The following ANO1 variants were observed in gnomAD, a reference collection of about 807,000 sequenced individuals.
The protein encoded by ANO1 is anoctamin 1.
A neutral mutation model predicts 124.0 loss-of-function variants in ANO1; 59 were observed. That is an observed-to-expected ratio of 0.48 (90% confidence interval 0.39 to 0.59). The LOEUF is 0.59. Ranked by LOEUF, ANO1 falls within the 20% of genes least tolerant of loss-of-function variation. ANO1 has a pLI of 0.00. For missense variants in ANO1, 1,059 were observed against 1,328.0 expected, an observed-to-expected ratio of 0.80 and a Z score of 3.15; for synonymous variants, 529 against 532.0, an observed-to-expected ratio of 0.99 and a Z score of 0.08.
At chr11:70,059,275 T>G (rs1391295540) in intron 1 of ANO1, among the ~76,000 whole-genome samples, 3 of 129,448 alleles carry the variant, frequency 2.3e-5, no homozygotes, top group Non-Finnish European at 4.6e-5. Context: ...GGCATGAACC[T>G]GGGAGGTGGA....
intron 19 of ANO1, among the ~76,000 whole-genome samples, chr11:70,164,031 C>T (rs1028666368): frequency 6.6e-6 from 1 of 151,890 alleles, no homozygotes; most frequent in African/African-American, 2.4e-5. Flanking sequence ...TCTCTTTACC[C>T]TCAAACACCA....
intron 4 of ANO1, among the ~76,000 whole-genome samples, 172 bp downstream of exon 4, chr11:70,104,322 C>T (rs1299586380): frequency 2.0e-5 from 3 of 151,752 alleles, no homozygotes; most frequent in South Asian, 2.1e-4. Flanking sequence ...CTAAGATCAC[C>T]GTTAACTGAT....
At chr11:69,977,043 A>C in the ANO1 span, among the ~76,000 whole-genome samples, 2 of 152,240 alleles carry the variant, frequency 1.3e-5, no homozygotes, top group East Asian at 1.9e-4. Context: ...TCTGATGCAC[A>C]CTCACTCTCT....
At chr11:70,173,833 C>A (rs2048569323) in intron 22 of ANO1, among the ~76,000 whole-genome samples, 1 of 152,104 alleles carries the variant, frequency 6.6e-6, no homozygotes, top group Admixed American at 6.5e-5. Flanking sequence ...GGTGGATCAC[C>A]TGAGGTCAGG....
At chr11:70,185,512 C>G in intron 24 of ANO1, 78 bp from the exon 25 acceptor site, 2 of 1,362,470 alleles carry the variant, frequency 1.5e-6, no homozygotes, top group Non-Finnish European at 2.1e-6. Flanking sequence ...TCCCAGGCGT[C>G]CCTCGAGCTG....
intron 1 of ANO1, among the ~76,000 whole-genome samples, chr11:70,082,324 C>T (rs759517335): frequency 5.3e-5 from 8 of 152,150 alleles, no homozygotes; most frequent in Non-Finnish European, 1.0e-4. Flanking sequence ...CTTGGGAGGC[C>T]GAGGCTGGTG....
chr11:70,161,568 C>G (rs2048044700), intron 17 of ANO1, 54 bp from the exon 18 acceptor site: 1 of 1,576,406 alleles, frequency 6.3e-7, no homozygotes, highest in Non-Finnish European at 8.7e-7. Flanking sequence ...CTGGACCAGG[C>G]TGTTGGGGGC....
intron 8 of ANO1, among the ~76,000 whole-genome samples, chr11:70,117,100 C>CTTT (rs756764991): frequency 9.6e-4 from 59 of 61,404 alleles, no homozygotes; most frequent in African/African-American, 1.3e-3. Flanking sequence ...TTGTTTCTTT[C>CTTT]TTTTTTTTTT....
At chr11:70,100,623 G>A (rs997163415) in intron 2 of ANO1, among the ~76,000 whole-genome samples, 14 of 152,212 alleles carry the variant, frequency 9.2e-5, no homozygotes, top group East Asian at 1.9e-4. Context: ...TTGGGGTCAC[G>A]TGTTACAGAA....
chr11:70,015,149 T>C (rs972514429), intron 1 of ANO1: 43 of 152,328 alleles, frequency 2.8e-4, no homozygotes, highest in African/African-American at 9.1e-4. Context: ...TTTGGTCTTT[T>C]TATCGTTCCA....
In ANO1 at chr11:70,063,033, G is replaced by T. The variant is rs186185930; in HGVS notation, c.59-15509G>T. Among the ~76,000 whole-genome samples, 752 of 152,108 alleles carry T rather than the reference G, an allele frequency of 4.9e-3. 4 individuals are homozygous for T. The highest frequency in any genetic ancestry group is 0.017 in the African/African-American group (711 of 41,496). ...CAACCTCTGCCTCCCGGGTTCAAGCGATTCTCCTCCCTCAGCCTCTTGAGT... is the reference window on the plus strand; with the variant it reads ...CAACCTCTGCCTCCCGGGTTCAAGCTATTCTCCTCCCTCAGCCTCTTGAGT... On this transcript the variant is annotated intron_variant, in intron 1 of 27. Coordinates refer to the ANO1 transcript ENST00000531349.
At chr11:70,145,121 G>A (rs1375514909) in intron 11 of ANO1, among the ~76,000 whole-genome samples, 1 of 152,194 alleles carries the variant, frequency 6.6e-6, no homozygotes, top group Non-Finnish European at 1.5e-5. Flanking sequence ...ATTACTTGAG[G>A]AGGATGGAGC....
At chr11:69,986,251 G>T (rs1278990472) in intron 1 of ANO1, 1 of 152,364 alleles carries the variant, frequency 6.6e-6, no homozygotes, top group Non-Finnish European at 1.5e-5. Flanking sequence ...AGTGGCTTGC[G>T]GAGGACTCAG....
rs779773601 is a variant in ANO1, at chr11:70,156,904, C to T, written c.1504-43C>T. On this transcript the variant is annotated intron_variant, in intron 15 of 25. Transcript: ENST00000355303. ...ACGCTGACACACAGAGATGTCTCATCGTGATGGTTCCAGACAGTGACCGGC... is the reference window on the plus strand; with the variant it reads ...ACGCTGACACACAGAGATGTCTCATTGTGATGGTTCCAGACAGTGACCGGC... 1.1e-5 allele frequency: 18 copies of T among 1,581,532 alleles called. 1 individual carries two copies. The Middle Eastern group carries it at 5.0e-4, about 44-fold the overall frequency.
intron 2 of ANO1, among the ~76,000 whole-genome samples, chr11:70,102,628 C>T (rs1255609694): frequency 2.0e-5 from 3 of 152,336 alleles, no homozygotes; most frequent in South Asian, 2.1e-4. Context: ...TTCAGTCGTC[C>T]CCTCCTCGGC....
intron 14 of ANO1, among the ~76,000 whole-genome samples, 176 bp from the exon 15 acceptor site, chr11:70,155,735 G>A (rs574539523): frequency 3.0e-4 from 45 of 152,318 alleles, no homozygotes; most frequent in African/African-American, 1.0e-3. Flanking sequence ...GGTCTCTGCC[G>A]TCTCTTACTT....
intron 1 of ANO1, among the ~76,000 whole-genome samples, chr11:70,017,974 A>T (rs1856732692): frequency 6.6e-6 from 1 of 152,138 alleles, no homozygotes; most frequent in Admixed American, 6.5e-5. Context: ...TCCAAGAAAG[A>T]TCAGCTTCCC....
chr11:70,051,220 C>T (rs553782007), intron 1 of ANO1, among the ~76,000 whole-genome samples: 1 of 152,248 alleles, frequency 6.6e-6, no homozygotes, highest in South Asian at 2.1e-4. Flanking sequence ...ATTCAACTTG[C>T]CTGTTTTTGA....
intron 1 of ANO1, chr11:70,064,669 T>G (rs1857673918): frequency 1.3e-5 from 2 of 152,414 alleles, no homozygotes; most frequent in Non-Finnish European, 2.9e-5. Flanking sequence ...CGTGGGAAGT[T>G]CTCTTCCTCC....
Sources: gnomAD v4.1 joint callset for allele counts (sites outside exome capture counted in the v4.1 genomes callset) on GRCh38, gnomAD v4.1.1 for gene constraint, MANE v1.5 for transcripts, NCBI Gene and HGNC (gene_info 2026-07-23, HGNC 2026-07-21) for gene names.